The following FOCAD variants were observed in gnomAD, a reference collection of about 807,000 sequenced individuals.
FOCAD encodes focadhesin, also known as KIAA1797.
In FOCAD, 198 loss-of-function variants were observed where a neutral mutation model predicts 225.6. That is an observed-to-expected ratio of 0.88 (90% CI 0.78 to 0.99). FOCAD has a LOEUF of 0.99. Among genes scored for constraint, FOCAD ranks in the 50% least tolerant of loss-of-function variants. The probability of loss-of-function intolerance (pLI) is 0.00; values close to 1 mark genes in which losing one functional copy is unlikely to be tolerated. For synonymous variants in FOCAD, 897 were observed against 755.0 expected, an observed-to-expected ratio of 1.19 and a Z score of -3.08; for missense variants, 2,713 against 2,123.6, an observed-to-expected ratio of 1.28 and a Z score of -5.46.
Position 20,923,451 on chromosome 9 carries a change from A to G in FOCAD, c.2853-209A>G, listed in dbSNP as rs190097509. Among the ~76,000 whole-genome samples the G allele has an allele frequency of 1.8e-4, 28 of 152,356 alleles. No homozygotes were observed. In the East Asian group the frequency reaches 5.2e-3, roughly 28 times the overall value. ...ATGAAAAGGCATAATGACCCATACT[A>G]CATTGATAAGAAGAATTCAGAAACA... On this transcript the variant is annotated intron_variant, in intron 24 of 43. Transcript: ENST00000338382.
intron 4 of FOCAD, among the ~76,000 whole-genome samples, chr9:20,722,523 C>A (rs1291976075): frequency 6.6e-6 from 1 of 152,166 alleles, no homozygotes. Flanking sequence ...TATTTTTAAA[C>A]CTGTATTTTG....
intron 39 of FOCAD, among the ~76,000 whole-genome samples, chr9:20,984,213 G>A (rs1442507218): frequency 6.6e-6 from 1 of 152,218 alleles, no homozygotes; most frequent in Non-Finnish European, 1.5e-5. Flanking sequence ...CTGTAGCTAT[G>A]TGACCTTAAT....
intron 8 of FOCAD, among the ~76,000 whole-genome samples, chr9:20,771,949 C>T (rs1818278487): frequency 6.6e-6 from 1 of 152,126 alleles, no homozygotes; most frequent in Admixed American, 6.5e-5. Context: ...TATGGCCCCA[C>T]CCTGATGACC....
intron 15 of FOCAD, among the ~76,000 whole-genome samples, chr9:20,855,128 T>C (rs73648425): frequency 0.011 from 1,728 of 151,870 alleles, 30 homozygotes; most frequent in African/African-American, 0.039. Flanking sequence ...AATTGAGTTA[T>C]ATGGTAAAAA....
intron 11 of FOCAD, among the ~76,000 whole-genome samples, chr9:20,815,909 A>G (rs1823681523): frequency 6.6e-6 from 1 of 152,178 alleles, no homozygotes; most frequent in South Asian, 2.1e-4. Context: ...TCTTTTATGT[A>G]AAATTATTTT....
chr9:20,926,678 G>A (rs1834980191), intron 26 of FOCAD, among the ~76,000 whole-genome samples: 2 of 151,836 alleles, frequency 1.3e-5, no homozygotes, highest in South Asian at 4.1e-4. Context: ...AGCTACTCAG[G>A]AGGCTGAGGC....
At chr9:20,911,698 G>C (rs1453127245) in intron 22 of FOCAD, among the ~76,000 whole-genome samples, 1 of 152,186 alleles carries the variant, frequency 6.6e-6, no homozygotes, top group African/African-American at 2.4e-5. Flanking sequence ...CTGAAGCTTA[G>C]AGAAGTGAAG....
At chr9:20,769,592 T>C (rs546770950) in intron 7 of FOCAD, among the ~76,000 whole-genome samples, 1 of 152,366 alleles carries the variant, frequency 6.6e-6, no homozygotes, top group African/African-American at 2.4e-5. Context: ...CCTGAGCAAG[T>C]ATCTTGCAGA....
chr9:20,944,864 C>G, intron 29 of FOCAD, 90 bp downstream of exon 29: 1 of 1,337,520 alleles, frequency 7.5e-7, no homozygotes, highest in Non-Finnish European at 1.0e-6. Context: ...TTTGGTAACC[C>G]TATAAATTAA....
chr9:20,714,724 T>G (rs1300198521), intron 1 of FOCAD, among the ~76,000 whole-genome samples: 1 of 151,612 alleles, frequency 6.6e-6, no homozygotes, highest in Admixed American at 6.6e-5. Flanking sequence ...CTTTCACTTT[T>G]CTTTTCTTGT....
chr9:20,914,221 A>T (rs1235847309), intron 23 of FOCAD, among the ~76,000 whole-genome samples: 1 of 152,144 alleles, frequency 6.6e-6, no homozygotes, highest in East Asian at 1.9e-4. Context: ...TCATCACTTG[A>T]TTTATTATTT....
chr9:20,971,303 T>C (rs538290621), intron 35 of FOCAD, among the ~76,000 whole-genome samples: 12 of 152,270 alleles, frequency 7.9e-5, no homozygotes, highest in African/African-American at 2.9e-4. Flanking sequence ...TTAAAATAAC[T>C]CTGCTGCCAC....
intron 11 of FOCAD, among the ~76,000 whole-genome samples, chr9:20,801,259 A>G (rs1411586821): frequency 1.3e-5 from 2 of 152,172 alleles, no homozygotes; most frequent in African/African-American, 2.4e-5. Flanking sequence ...ACATGGGATA[A>G]AGAGGGGGTT....
Position 20,990,464 on chromosome 9 carries a change from G to A in FOCAD, c.5256+90G>A, listed in dbSNP as rs565938260. The A allele has an allele frequency of 1.3e-4, 190 of 1,442,608 alleles. 2 individuals are homozygous for A. The South Asian group carries it at 1.5e-3, about 11-fold the overall frequency. 89.4% of individuals were successfully genotyped at this position (1,442,608 alleles called of 1,614,324 possible). A position where few individuals can be genotyped will look rare whatever the true frequency, so the allele number is the denominator to read the frequency against. Reference sequence around the variant, plus strand: ...TAGAATTGAGGTGGGAGTTAAGTGCGTCTTGAATCACACCACAGACTTTCC... The same window carrying A: ...TAGAATTGAGGTGGGAGTTAAGTGCATCTTGAATCACACCACAGACTTTCC... On this transcript the variant is annotated intron_variant, in intron 42 of 43. Transcript: ENST00000338382.
intron 35 of FOCAD, among the ~76,000 whole-genome samples, chr9:20,966,158 T>C (rs1202593693): frequency 6.6e-6 from 1 of 152,156 alleles, no homozygotes; most frequent in Non-Finnish European, 1.5e-5. Flanking sequence ...GCAAGCAATA[T>C]AGGAGGGTTC....
chr9:20,718,081 G>A (rs1825481991), intron 3 of FOCAD, among the ~76,000 whole-genome samples: 1 of 152,180 alleles, frequency 6.6e-6, no homozygotes, highest in Non-Finnish European at 1.5e-5. Flanking sequence ...CTAGGAATGA[G>A]ACATGGAGGG....
At chr9:20,973,133 G>A (rs1212089495) in intron 35 of FOCAD, among the ~76,000 whole-genome samples, 1 of 148,622 alleles carries the variant, frequency 6.7e-6, no homozygotes, top group Non-Finnish European at 1.5e-5. Context: ...ATCTGATGTG[G>A]CCTCTGCTTC....
chr9:20,666,349 T>G (rs2131268179), intron 2 of FOCAD, among the ~76,000 whole-genome samples: 1 of 152,244 alleles, frequency 6.6e-6, no homozygotes, highest in Admixed American at 6.5e-5. Context: ...GGTGGAAGAT[T>G]GCTTGAGCTC....
intron 35 of FOCAD, among the ~76,000 whole-genome samples, chr9:20,959,542 G>A (rs548564952): frequency 6.6e-6 from 1 of 152,154 alleles, no homozygotes; most frequent in Non-Finnish European, 1.5e-5. Flanking sequence ...TTAGTTTGAT[G>A]TAATCCCATT....
Sources: allele counts gnomAD v4.1 joint callset (sites outside exome capture counted in the v4.1 genomes callset), GRCh38; gene constraint gnomAD v4.1.1; transcripts MANE v1.5; gene names NCBI Gene and HGNC (gene_info 2026-07-23, HGNC 2026-07-21).